The following VASP variants were observed in gnomAD, a reference collection of about 807,000 sequenced individuals.
The protein encoded by VASP is vasodilator-stimulated phosphoprotein.
A neutral mutation model predicts 54.4 loss-of-function variants in VASP; 27 were observed. That is an observed-to-expected ratio of 0.50 (90% CI 0.37 to 0.68). The LOEUF (loss-of-function observed/expected upper bound fraction) is 0.68. Among genes scored for constraint, VASP ranks in the 30% least tolerant of loss-of-function variants. The pLI is 0.00. For synonymous variants in VASP, 233 were observed against 209.8 expected, an observed-to-expected ratio of 1.11 and a Z score of -0.96; for missense variants, 488 against 528.3, an observed-to-expected ratio of 0.92 and a Z score of 0.75.
chr19:45,513,114 G>A (rs977563360), intron 1 of VASP, among the ~76,000 whole-genome samples: 3 of 152,184 alleles, frequency 2.0e-5, no homozygotes, highest in Non-Finnish European at 2.9e-5. Flanking sequence ...AAGGGTGAGC[G>A]TCAGAGCCTA....
intron 1 of VASP, among the ~76,000 whole-genome samples, chr19:45,510,531 T>A (rs11879600): frequency 0.029 from 4,413 of 152,190 alleles, 210 homozygotes; most frequent in African/African-American, 0.1. Context: ...TGGCCCCTCA[T>A]GGCAGTTCGA....
At chr19:45,520,795 C>T (rs1968814241) in intron 3 of VASP, among the ~76,000 whole-genome samples, 1 of 152,178 alleles carries the variant, frequency 6.6e-6, no homozygotes, top group Non-Finnish European at 1.5e-5. Context: ...GAAATCCCAT[C>T]TCTATTAAAA....
In VASP at chr19:45,522,374, CCCACCA is replaced by C. The variant is rs1351821037; in HGVS notation, c.517_522del (p.Pro173_Pro174del). On this transcript the variant is annotated inframe_deletion, in exon 6 of 13. Coordinates refer to ENST00000245932, the MANE Select transcript of VASP (RefSeq NM_003370.4). The stretch of plus-strand genomic sequence containing the variant: ...CTGCTCCCCCCGCTGGGGGTCCACC[CCCACCA>C]CCAGGACCTCCCCCTCCTCCAGGTC... The C allele has an allele frequency of 6.4e-7, 1 of 1,551,384 alleles. No homozygotes were observed. The highest frequency in any genetic ancestry group is 8.7e-7 in the Non-Finnish European group (1 of 1,146,942).
chr19:45,514,486 G>A (rs1289538715), intron 1 of VASP, among the ~76,000 whole-genome samples: 1 of 152,144 alleles, frequency 6.6e-6, no homozygotes, highest in East Asian at 1.9e-4. Context: ...CTCTCAAAGT[G>A]CTGGGATTAC....
intron 10 of VASP, 73 bp downstream of exon 10, chr19:45,524,215 A>G (rs1314209202): frequency 5.8e-6 from 9 of 1,554,890 alleles, no homozygotes; most frequent in Admixed American, 1.7e-5. Flanking sequence ...GGTCAAGACC[A>G]GCCTGGGCAA....
chr19:45,512,086 G>A (rs1266567568), intron 1 of VASP, among the ~76,000 whole-genome samples: 1 of 152,044 alleles, frequency 6.6e-6, no homozygotes, highest in Non-Finnish European at 1.5e-5. Flanking sequence ...GGAGGTGGAG[G>A]CTGCAGTAAG....
At chr19:45,513,326 C>T (rs1266147459) in intron 1 of VASP, among the ~76,000 whole-genome samples, 2 of 151,980 alleles carry the variant, frequency 1.3e-5, no homozygotes, top group Non-Finnish European at 2.9e-5. Flanking sequence ...CTCACTGCAG[C>T]CTCATCCTCT....
In VASP at chr19:45,517,704, A is replaced by G; in HGVS notation, c.47A>G (p.Tyr16Cys). ...ICSSRATVML[Y>C]DDGNKRWLPA... ...TCCAGCCGGGCCACTGTGATGCTTTATGATGATGGCAACAAGCGATGGCTC... is the reference window on the plus strand; with the variant it reads ...TCCAGCCGGGCCACTGTGATGCTTTGTGATGATGGCAACAAGCGATGGCTC... Residue 16 changes from tyrosine to cysteine, a missense_variant, in exon 2 of 13, where the codon TAT (tyrosine) becomes TGT (cysteine). By Grantham distance (194) the Tyr-to-Cys change is radical. Transcript: ENST00000245932. 1 of 1,612,262 alleles carries G rather than the reference A, an allele frequency of 6.2e-7. No homozygotes were observed. Among genetic ancestry groups the G allele is most frequent in the Non-Finnish European group, 8.5e-7 (1 of 1,180,014 alleles).
At chr19:45,514,709 C>T (rs1355246909) in intron 1 of VASP, among the ~76,000 whole-genome samples, 2 of 152,154 alleles carry the variant, frequency 1.3e-5, no homozygotes, top group Admixed American at 6.5e-5. Context: ...GGGCTCCTGG[C>T]CAGAGTCGGC....
chr19:45,517,880 C>T (rs770131845), intron 2 of VASP, 46 bp downstream of exon 2: 13 of 1,588,412 alleles, frequency 8.2e-6, no homozygotes, highest in Non-Finnish European at 1.1e-5. Context: ...CCCCTACCCG[C>T]CCCACCCCTG....
At chr19:45,514,178 G>A (rs1280230376) in intron 1 of VASP, among the ~76,000 whole-genome samples, 2 of 152,156 alleles carry the variant, frequency 1.3e-5, no homozygotes, top group African/African-American at 4.8e-5. Flanking sequence ...GCCCGAGGCA[G>A]GAATGTGTCT....
chr19:45,517,791 A>G lies in VASP; in HGVS notation c.134A>G (p.Asn45Ser), dbSNP rs1055432392. The change falls in exon 2 of 13, where the codon AAT becomes AGT. Residue 45 changes from asparagine (N) to serine (S), a missense_variant. Physicochemically the swap from Asn to Ser is conservative, Grantham distance 46. Transcript: ENST00000245932. ...CAGATCTACCACAACCCCACGGCCA[A>G]TTCCTTTCGCGTCGTGGGCCGGAAG... ...RVQIYHNPTA[N>S]SFRVVGRKMQ... 1.2e-6 allele frequency: 2 copies of G among 1,613,708 alleles called. No homozygotes were observed. Among genetic ancestry groups the G allele is most frequent in the African/African-American group, 2.7e-5 (2 of 74,892 alleles).
chr19:45,524,516 A>G (rs1456353355), intron 10 of VASP, 54 bp from the exon 11 acceptor site: 3 of 1,539,458 alleles, frequency 1.9e-6, no homozygotes, highest in Admixed American at 3.3e-5. Context: ...GAGGCGGGGA[A>G]GCAGGTCCTC....
intron 1 of VASP, among the ~76,000 whole-genome samples, chr19:45,509,759 T>G (rs1429552419): frequency 2.6e-5 from 4 of 152,178 alleles, no homozygotes; most frequent in African/African-American, 9.6e-5. Context: ...ACAGCCAGAA[T>G]TCAAAACCCA....
intron 11 of VASP, among the ~76,000 whole-genome samples, chr19:45,525,327 G>C (rs768032489): frequency 1.8e-4 from 27 of 152,146 alleles, no homozygotes; most frequent in Admixed American, 5.2e-4. Flanking sequence ...ACTTTGGGAG[G>C]CCGAGGTGGG....
chr19:45,511,370 C>T (rs1250589919), intron 1 of VASP, among the ~76,000 whole-genome samples: 2 of 152,068 alleles, frequency 1.3e-5, no homozygotes, highest in African/African-American at 2.4e-5. Context: ...GGCTTTTTGT[C>T]CATTATCTCT....
intron 3 of VASP, among the ~76,000 whole-genome samples, chr19:45,518,333 C>T (rs1287527574): frequency 6.6e-6 from 1 of 152,102 alleles, no homozygotes; most frequent in African/African-American, 2.4e-5. Flanking sequence ...TTTGGGAGGC[C>T]GAGGCACACG....
At chr19:45,521,694 G>GC (rs1325465004) in intron 4 of VASP, among the ~76,000 whole-genome samples, 1 of 152,114 alleles carries the variant, frequency 6.6e-6, no homozygotes, top group African/African-American at 2.4e-5. Flanking sequence ...TTTGAGACCA[G>GC]CCTGGCCAAC....
chr19:45,521,435 T>C, intron 4 of VASP, 29 bp downstream of exon 4: 1 of 1,500,996 alleles, frequency 6.7e-7, no homozygotes, highest in Non-Finnish European at 8.9e-7. Context: ...TGGGGAACCT[T>C]AGCCGCTGCC....
Sources: allele counts gnomAD v4.1 joint callset (sites outside exome capture counted in the v4.1 genomes callset), GRCh38; gene constraint gnomAD v4.1.1; transcripts MANE v1.5; gene names NCBI Gene and HGNC (gene_info 2026-07-23, HGNC 2026-07-21).